The following FGGY variants were observed in gnomAD, a reference collection of about 807,000 sequenced individuals.
FGGY encodes the protein FGGY carbohydrate kinase domain containing.
A neutral mutation model predicts 71.3 loss-of-function variants in FGGY; 72 were observed. The ratio of observed to expected loss-of-function variants is 1.01; its 90% CI spans 0.84 to 1.23. FGGY has a LOEUF of 1.23. Among genes scored for constraint, FGGY ranks in the 50% most tolerant of loss-of-function variants. FGGY has a pLI of 0.00. For missense variants in FGGY, 668 were observed against 682.3 expected (o/e 0.98, Z 0.23); for synonymous variants, 251 against 250.3 (o/e 1.00, Z -0.02).
intron 1 of FGGY, among the ~76,000 whole-genome samples, chr1:59,305,063 G>T (rs922173186): frequency 5.9e-5 from 9 of 151,998 alleles, no homozygotes; most frequent in African/African-American, 2.2e-4. Context: ...GTTTTCTTTT[G>T]TAATTGCTCT....
chr1:59,399,503 G>A (rs1039191088), intron 5 of FGGY, among the ~76,000 whole-genome samples: 1 of 152,118 alleles, frequency 6.6e-6, no homozygotes, highest in African/African-American at 2.4e-5. Flanking sequence ...TGGCAAAGCG[G>A]ACTCTCTGAA....
At chr1:59,553,590 T>A (rs559620469) in intron 7 of FGGY, among the ~76,000 whole-genome samples, 1 of 152,308 alleles carries the variant, frequency 6.6e-6, no homozygotes, top group East Asian at 1.9e-4. Flanking sequence ...GACCTAGGGA[T>A]GCCAGAAAGA....
intron 5 of FGGY, among the ~76,000 whole-genome samples, chr1:59,438,005 A>T (rs1572147454): frequency 6.6e-6 from 1 of 152,174 alleles, no homozygotes; most frequent in African/African-American, 2.4e-5. Context: ...GTGTGTGTGT[A>T]TGTGAGTGTT....
In FGGY at chr1:59,385,051, A is replaced by G. The variant is rs186097766; in HGVS notation, c.554+6214A>G. 1.2e-3 allele frequency among the ~76,000 whole-genome samples: 190 copies of G among 152,302 alleles called. 1 individual carries two copies. The highest frequency in any genetic ancestry group is 0.011 in the Admixed American group (163 of 15,286). The stretch of plus-strand genomic sequence containing the variant: ...CTTTTTTAAAAATACGTTTTAGTAG[A>G]GTCAAGACTAACAAGTGATCGAATT... On this transcript the variant is annotated intron_variant, in intron 5 of 15. Transcript: ENST00000303721.
At chr1:59,331,312 G>A (rs907158073) in intron 2 of FGGY, among the ~76,000 whole-genome samples, 1 of 152,160 alleles carries the variant, frequency 6.6e-6, no homozygotes, top group South Asian at 2.1e-4. Context: ...GGGATGCTAC[G>A]TAGGTAAAGG....
In FGGY at chr1:59,728,967, T is replaced by C. The variant is rs181299245; in HGVS notation, c.1513-28964T>C. Reference sequence around the variant, plus strand: ...TTCTTAGCCATTATTACTTCAGATATTTCTTCTGCTCCATTCTCACTTTGT... The same window carrying C: ...TTCTTAGCCATTATTACTTCAGATACTTCTTCTGCTCCATTCTCACTTTGT... On this transcript the variant is annotated intron_variant, in intron 14 of 15. Coordinates refer to ENST00000303721, the MANE Select transcript of FGGY (RefSeq NM_018291.5). 2.9e-3 allele frequency among the ~76,000 whole-genome samples: 446 copies of C among 152,240 alleles called. 4 individuals carry two copies. Among genetic ancestry groups the C allele is most frequent in the Non-Finnish European group, 1.9e-3 (126 of 67,988 alleles).
chr1:59,723,733 C>T (rs776209878), intron 14 of FGGY, among the ~76,000 whole-genome samples: 1 of 152,130 alleles, frequency 6.6e-6, no homozygotes, highest in Non-Finnish European at 1.5e-5. Flanking sequence ...ATGGGATCCC[C>T]CACCTCCTGA....
At chr1:59,575,299 A>G (rs2096059772) in intron 8 of FGGY, among the ~76,000 whole-genome samples, 1 of 151,878 alleles carries the variant, frequency 6.6e-6, no homozygotes. Context: ...CCAACATTCT[A>G]CTCTCTACTT....
At chr1:59,629,664 A>G (rs1350756680) in intron 10 of FGGY, among the ~76,000 whole-genome samples, 1 of 152,228 alleles carries the variant, frequency 6.6e-6, no homozygotes, top group Non-Finnish European at 1.5e-5. Flanking sequence ...CATAACGGTC[A>G]TTATTTTCTT....
rs1461628370 is a variant in FGGY, at chr1:59,568,468, G to GC, written c.903+14241_903+14242insC. Among the ~76,000 whole-genome samples, 5 of 133,064 alleles carry GC rather than the reference G, an allele frequency of 3.8e-5. No individual in the cohort carries two copies. The South Asian group carries it at 1.4e-3, about 39-fold the overall frequency. The allele number at this position is 133,064 out of a possible 152,430, so 87.3% of individuals were successfully genotyped here. ...CAAATTCTATGGTCGGGGGGGCGGG[G>GC]GGGGGTGTTCTTATTGTATTACATC... is the stretch of plus-strand genomic sequence containing the variant. On this transcript the variant is annotated intron_variant, in intron 8 of 15. Transcript: ENST00000303721.
At chr1:59,595,957 A>C (rs914258369) in intron 8 of FGGY, among the ~76,000 whole-genome samples, 1 of 152,132 alleles carries the variant, frequency 6.6e-6, no homozygotes, top group Admixed American at 6.5e-5. Flanking sequence ...TGTTGCCTGC[A>C]GCTGAATACT....
intron 5 of FGGY, among the ~76,000 whole-genome samples, chr1:59,435,312 A>G (rs551679900): frequency 2.0e-5 from 3 of 152,318 alleles, no homozygotes; most frequent in Admixed American, 2.0e-4. Context: ...TGACAAAGGA[A>G]ACACAGAAGC....
At chr1:59,571,516 A>G (rs1043405678) in intron 8 of FGGY, among the ~76,000 whole-genome samples, 1 of 152,196 alleles carries the variant, frequency 6.6e-6, no homozygotes, top group Non-Finnish European at 1.5e-5. Flanking sequence ...GTCACTTTGG[A>G]AAACAGTGAG....
At chr1:59,337,048 C>CATATATATATATATATATATATATAT (rs35698016) in intron 2 of FGGY, among the ~76,000 whole-genome samples, 1 of 142,062 alleles carries the variant, frequency 7.0e-6, no homozygotes, top group African/African-American at 2.6e-5. Flanking sequence ...TGTATATAGT[C>CATATATATATATATATATATATATAT]ATATATATAT....
intron 14 of FGGY, among the ~76,000 whole-genome samples, chr1:59,731,711 AC>A (rs1429041849): frequency 6.6e-6 from 1 of 152,066 alleles, no homozygotes; most frequent in Non-Finnish European, 1.5e-5. Context: ...CCTCCAGCAT[AC>A]CTTGTGAGGG....
intron 14 of FGGY, among the ~76,000 whole-genome samples, chr1:59,748,828 A>G (rs1480801565): frequency 2.0e-5 from 3 of 152,110 alleles, no homozygotes; most frequent in African/African-American, 2.4e-5. Flanking sequence ...TGTGTATGGT[A>G]ATGAGATGAC....
chr1:59,530,081 G>A (rs2095098819), intron 7 of FGGY, among the ~76,000 whole-genome samples: 1 of 151,882 alleles, frequency 6.6e-6, no homozygotes, highest in South Asian at 2.1e-4. Context: ...CTCAAACTGG[G>A]CATTCATTTA....
chr1:59,712,395 A>G (rs565854983), intron 14 of FGGY, among the ~76,000 whole-genome samples: 1 of 152,310 alleles, frequency 6.6e-6, no homozygotes, highest in East Asian at 1.9e-4. Flanking sequence ...CCATTCTGGA[A>G]TCTGGAGGTC....
Position 59,709,327 on chromosome 1 carries a change from G to A in FGGY, c.1512+35194G>A, listed in dbSNP as rs546003321. Among the ~76,000 whole-genome samples the A allele has an allele frequency of 2.0e-5, 3 of 152,286 alleles. No individual in the cohort carries two copies. The South Asian group carries it at 6.2e-4, about 32-fold the overall frequency. ...CCACTTTTAAGCCATCAGCTGGCAT[G>A]AGAATTCTCTCACTATCACAAGAAC... On this transcript the variant is annotated intron_variant, in intron 14 of 15. Transcript: ENST00000303721.
Sources: gnomAD v4.1 joint callset for allele counts (sites outside exome capture counted in the v4.1 genomes callset) on GRCh38, gnomAD v4.1.1 for gene constraint, MANE v1.5 for transcripts, NCBI Gene and HGNC (gene_info 2026-07-23, HGNC 2026-07-21) for gene names.